The following FAM13A variants were observed in gnomAD, a reference collection of about 807,000 sequenced individuals.
The protein encoded by FAM13A is protein FAM13A.
A neutral mutation model predicts 129.6 loss-of-function variants in FAM13A; 76 were observed. The observed-to-expected ratio is 0.59, with a 90% CI of 0.49 to 0.71. FAM13A has a LOEUF of 0.71. FAM13A is among the 30% of genes least tolerant of loss of function. FAM13A has a pLI of 0.00. For missense variants in FAM13A, 1,108 were observed against 1,249.3 expected, an observed-to-expected ratio of 0.89 and a Z score of 1.70; for synonymous variants, 443 against 449.9, an observed-to-expected ratio of 0.98 and a Z score of 0.20.
chr4:88,740,419 A>G (rs1364169619), intron 19 of FAM13A, among the ~76,000 whole-genome samples: 2 of 152,250 alleles, frequency 1.3e-5, no homozygotes, highest in Non-Finnish European at 2.9e-5. Context: ...CATCATGGAA[A>G]TATTCCATAA....
intron 6 of FAM13A, among the ~76,000 whole-genome samples, chr4:88,866,769 G>A (rs952896885): frequency 1.3e-5 from 2 of 152,066 alleles, no homozygotes; most frequent in Non-Finnish European, 2.9e-5. Context: ...CTTTATTAGT[G>A]AAAATACCAT....
chr4:88,973,131 A>ATTTTTT (rs70959640), intron 4 of FAM13A, among the ~76,000 whole-genome samples: 8 of 134,476 alleles, frequency 5.9e-5, no homozygotes, highest in African/African-American at 2.2e-4. Flanking sequence ...CCTAGGCATA[A>ATTTTTT]TTTTTTTTTT....
intron 6 of FAM13A, among the ~76,000 whole-genome samples, chr4:88,902,611 A>G (rs1747465542): frequency 6.6e-6 from 1 of 152,202 alleles, no homozygotes; most frequent in African/African-American, 2.4e-5. Context: ...ATGTACCTCA[A>G]AATAATAAGA....
At chr4:89,010,983 G>A (rs746119693) in intron 3 of FAM13A, among the ~76,000 whole-genome samples, 1 of 152,052 alleles carries the variant, frequency 6.6e-6, no homozygotes, top group Non-Finnish European at 1.5e-5. Context: ...GAGTAGCTGG[G>A]ATTACAGGCA....
intron 5 of FAM13A, among the ~76,000 whole-genome samples, chr4:88,913,371 A>G (rs1257833273): frequency 1.5e-4 from 22 of 146,906 alleles, no homozygotes; most frequent in African/African-American, 5.2e-4. Context: ...GAGAAGAGGA[A>G]GAAGAGGAGG....
intron 21 of FAM13A, 25 bp downstream of exon 21, chr4:88,737,447 A>G (rs1165976705): frequency 6.2e-7 from 1 of 1,602,898 alleles, no homozygotes; most frequent in African/African-American, 1.3e-5. Flanking sequence ...GGATTTAGCA[A>G]TGGGTTAGCA....
chr4:88,925,909 A>T (rs543118905), intron 5 of FAM13A, among the ~76,000 whole-genome samples: 1 of 152,152 alleles, frequency 6.6e-6, no homozygotes, highest in African/African-American at 2.4e-5. Flanking sequence ...GAGGATGGGG[A>T]GGGCTTCGTG....
intron 2 of FAM13A, among the ~76,000 whole-genome samples, chr4:89,026,232 T>C (rs2149122544): frequency 6.6e-6 from 1 of 152,344 alleles, no homozygotes; most frequent in Admixed American, 6.5e-5. Context: ...ATAAATCCTG[T>C]TAAAGCTGGT....
chr4:88,768,112 C>T (rs868707288), intron 11 of FAM13A, 53 bp from the exon 12 acceptor site: 46 of 926,722 alleles, frequency 5.0e-5, no homozygotes, highest in South Asian at 1.9e-4. Flanking sequence ...AAATATGCAA[C>T]GCAGACCCTC....
At chr4:88,937,910 A>C in intron 5 of FAM13A, 178 bp downstream of exon 5, 1 of 572,618 alleles carries the variant, frequency 1.7e-6, no homozygotes, top group Admixed American at 3.2e-5. Flanking sequence ...GAATTTTAGA[A>C]GGCTATATTT....
intron 3 of FAM13A, among the ~76,000 whole-genome samples, chr4:89,010,173 A>T (rs1218092467): frequency 2.0e-5 from 3 of 152,200 alleles, no homozygotes; most frequent in African/African-American, 7.2e-5. Flanking sequence ...CTGACCTTGT[A>T]TGGAAAAATT....
At chr4:88,923,594 T>A (rs1194124458) in intron 5 of FAM13A, among the ~76,000 whole-genome samples, 4 of 152,288 alleles carry the variant, frequency 2.6e-5, no homozygotes, top group African/African-American at 9.6e-5. Context: ...ACAGCCAATA[T>A]CATACTGAAT....
chr4:88,856,857 TA>T (rs1191123301), intron 6 of FAM13A, among the ~76,000 whole-genome samples: 1 of 152,164 alleles, frequency 6.6e-6, no homozygotes, highest in Non-Finnish European at 1.5e-5. Context: ...AATAACAAAG[TA>T]TCAGAAAAGA....
rs1434220724 is a variant in FAM13A, at chr4:88,805,050, G to A, written c.1010C>T (p.Ser337Leu). Residue 337 changes from serine to leucine, a missense_variant and splice_region_variant, in exon 8 of 24, where the codon TCA (serine) becomes TTA (leucine). Physicochemically the swap from Ser to Leu is moderately radical, Grantham distance 145. Transcript: ENST00000264344. ...GAISAKLVPSSQEDERPLSPF... is the reference protein window; with the variant it reads ...GAISAKLVPSLQEDERPLSPF... ...TGACAGAGGTCTTTCATCTTCCTGTGAACTAAAAGGAAAATAAATTTTGAA... is the reference window on the plus strand; with the variant it reads ...TGACAGAGGTCTTTCATCTTCCTGTAAACTAAAAGGAAAATAAATTTTGAA... 6.7e-7 allele frequency: 1 copy of A among 1,492,514 alleles called. No homozygotes were observed. The highest frequency in any genetic ancestry group is 1.2e-5 in the South Asian group (1 of 86,350). The allele number at this position is 1,492,514 out of a possible 1,614,324, so 92.5% of individuals were successfully genotyped here.
At chr4:89,048,454 C>G (rs189386657) in intron 1 of FAM13A, among the ~76,000 whole-genome samples, 4 of 152,006 alleles carry the variant, frequency 2.6e-5, no homozygotes, top group Admixed American at 2.6e-4. Flanking sequence ...TAGTGGTTGT[C>G]CTGTGGGGGT....
intron 4 of FAM13A, among the ~76,000 whole-genome samples, chr4:88,948,797 T>C (rs1224287346): frequency 1.3e-5 from 2 of 152,156 alleles, no homozygotes; most frequent in East Asian, 3.9e-4. Context: ...CTGGGCTATA[T>C]GGCTGTATCT....
chr4:88,880,326 G>A (rs1743305830), intron 6 of FAM13A, among the ~76,000 whole-genome samples: 1 of 152,150 alleles, frequency 6.6e-6, no homozygotes, highest in Admixed American at 6.5e-5. Context: ...TGGGAAACCT[G>A]AAGGTCCAGA....
At chr4:88,946,871 T>C (rs1755977060) in intron 4 of FAM13A, among the ~76,000 whole-genome samples, 1 of 152,256 alleles carries the variant, frequency 6.6e-6, no homozygotes, top group East Asian at 1.9e-4. Context: ...AAATGTCAAA[T>C]GCAGTCTTTT....
chr4:88,970,409 C>T (rs1401398259), intron 4 of FAM13A, among the ~76,000 whole-genome samples: 1 of 150,768 alleles, frequency 6.6e-6, no homozygotes, highest in Admixed American at 6.6e-5. Context: ...AAATAAAGGT[C>T]TTGGAAACAA....
Sources: gnomAD v4.1 joint callset for allele counts (sites outside exome capture counted in the v4.1 genomes callset) on GRCh38, gnomAD v4.1.1 for gene constraint, MANE v1.5 for transcripts, NCBI Gene and HGNC (gene_info 2026-07-23, HGNC 2026-07-21) for gene names.